Variants in GALNT7 observed in about 807,000 individuals in gnomAD.
GALNT7 encodes the protein N-acetylgalactosaminyltransferase 7.
Under a neutral mutation model 82.1 loss-of-function variants are expected in GALNT7, and 60 were observed. That is an observed-to-expected ratio of 0.73 (90% confidence interval 0.59 to 0.91). The LOEUF (loss-of-function observed/expected upper bound fraction) is 0.91, where lower values mean the gene tolerates loss of function less well. Among genes scored for constraint, GALNT7 ranks in the 40% least tolerant of loss-of-function variants. GALNT7 has a pLI of 0.00. For missense variants in GALNT7, 660 were observed against 804.2 expected, an observed-to-expected ratio of 0.82 and a Z score of 2.17; for synonymous variants, 243 against 275.1, an observed-to-expected ratio of 0.88 and a Z score of 1.15.
intron 2 of GALNT7, among the ~76,000 whole-genome samples, chr4:173,278,570 A>G (rs1735997299): frequency 6.6e-6 from 1 of 152,378 alleles, no homozygotes; most frequent in African/African-American, 2.4e-5. Context: ...ATAAAATGCA[A>G]TAAATGTAAA....
At chr4:173,176,915 A>T (rs759626633) in intron 1 of GALNT7, among the ~76,000 whole-genome samples, 1 of 152,226 alleles carries the variant, frequency 6.6e-6, no homozygotes, top group Non-Finnish European at 1.5e-5. Flanking sequence ...GTGAGGAGAG[A>T]ATTATGTCCG....
intron 2 of GALNT7, among the ~76,000 whole-genome samples, chr4:173,264,089 A>AAAT (rs1007464743): frequency 2.0e-5 from 3 of 152,208 alleles, no homozygotes; most frequent in South Asian, 4.1e-4. Context: ...TTCAGTAGGA[A>AAAT]AATAATATAC....
chr4:173,178,615 G>A (rs1732149972), intron 1 of GALNT7, among the ~76,000 whole-genome samples: 1 of 152,180 alleles, frequency 6.6e-6, no homozygotes, highest in Admixed American at 6.5e-5. Flanking sequence ...TCACTCCCAA[G>A]AAGCATTTAA....
At chr4:173,196,249 C>A (rs994879656) in intron 1 of GALNT7, among the ~76,000 whole-genome samples, 1 of 152,014 alleles carries the variant, frequency 6.6e-6, no homozygotes, top group Non-Finnish European at 1.5e-5. Context: ...CTCAGCCTCC[C>A]AAGTAGCTGG....
intron 2 of GALNT7, among the ~76,000 whole-genome samples, chr4:173,281,672 C>A (rs905617835): frequency 1.3e-5 from 2 of 152,192 alleles, no homozygotes; most frequent in Non-Finnish European, 2.9e-5. Context: ...ATGGCAACCA[C>A]CTTCTATTGG....
rs554180754 is a variant in GALNT7, at chr4:173,248,623, G to C, written c.587+183G>C. On this transcript the variant is annotated intron_variant, in intron 2 of 11. Transcript: ENST00000265000. ...GTCCCTCCATTTATGCCATTGTATTGAAGGTGGGCTGTATAAAATTCTGGG... is the reference window on the plus strand; with the variant it reads ...GTCCCTCCATTTATGCCATTGTATTCAAGGTGGGCTGTATAAAATTCTGGG... Among the ~76,000 whole-genome samples, 8 of 152,284 alleles carry C rather than the reference G, an allele frequency of 5.3e-5. No homozygotes were observed. In the South Asian group the frequency reaches 1.4e-3, roughly 28 times the overall value.
chr4:173,181,755 G>A (rs551897784), intron 1 of GALNT7, among the ~76,000 whole-genome samples: 7 of 152,248 alleles, frequency 4.6e-5, no homozygotes, highest in Admixed American at 3.9e-4. Flanking sequence ...AGGAACTGCC[G>A]GTATCATCCA....
chr4:173,312,974 G>A (rs761404507), intron 8 of GALNT7, among the ~76,000 whole-genome samples: 3 of 151,954 alleles, frequency 2.0e-5, no homozygotes, highest in Non-Finnish European at 4.4e-5. Context: ...CAGGAGAATC[G>A]CTTGAACCTG....
chr4:173,265,100 C>T (rs1187561099), intron 2 of GALNT7, among the ~76,000 whole-genome samples: 3 of 152,348 alleles, frequency 2.0e-5, no homozygotes, highest in Middle Eastern at 3.4e-3. Flanking sequence ...GAGCATCAGA[C>T]GCAGCCAGGA....
intron 2 of GALNT7, among the ~76,000 whole-genome samples, chr4:173,262,413 C>A (rs1329693246): frequency 2.6e-5 from 4 of 152,122 alleles, no homozygotes; most frequent in Non-Finnish European, 1.5e-5. Context: ...TAATGCAGAT[C>A]TTTTAAATAT....
intron 1 of GALNT7, among the ~76,000 whole-genome samples, chr4:173,219,280 G>A (rs894645907): frequency 3.3e-5 from 5 of 151,974 alleles, no homozygotes; most frequent in South Asian, 4.2e-4. Context: ...TTGCATCCAG[G>A]TTGCTGCAAA....
chr4:173,186,520 T>G (rs1406705799), intron 1 of GALNT7, among the ~76,000 whole-genome samples: 1 of 152,258 alleles, frequency 6.6e-6, no homozygotes, highest in Non-Finnish European at 1.5e-5. Flanking sequence ...ACTTGCACTT[T>G]TATACATACT....
chr4:173,214,198 T>C (rs1227589977), intron 1 of GALNT7, among the ~76,000 whole-genome samples: 1 of 152,158 alleles, frequency 6.6e-6, no homozygotes, highest in Non-Finnish European at 1.5e-5. Context: ...CTGTATATTC[T>C]TTAATCTTGA....
At chr4:173,240,743 G>A (rs1218725632) in intron 1 of GALNT7, among the ~76,000 whole-genome samples, 1 of 152,140 alleles carries the variant, frequency 6.6e-6, no homozygotes, top group African/African-American at 2.4e-5. Context: ...ATATGTCAGT[G>A]TTTTTTATAT....
chr4:173,212,944 A>G (rs2126674364), intron 1 of GALNT7, among the ~76,000 whole-genome samples: 1 of 152,234 alleles, frequency 6.6e-6, no homozygotes, highest in South Asian at 2.1e-4. Context: ...TTGGAACCAC[A>G]ACCTTGTTTC....
chr4:173,190,375 TAGAA>T (rs1207167621), intron 1 of GALNT7, among the ~76,000 whole-genome samples: 2 of 152,292 alleles, frequency 1.3e-5, no homozygotes, highest in East Asian at 3.9e-4. Flanking sequence ...ACTAATGAGA[TAGAA>T]AGGGAGAAAG....
chr4:173,238,944 C>A (rs551080347), intron 1 of GALNT7, among the ~76,000 whole-genome samples: 56 of 152,132 alleles, frequency 3.7e-4, no homozygotes, highest in African/African-American at 1.3e-3. Flanking sequence ...TTTTCTGTTG[C>A]AAAAATTAAC....
chr4:173,179,730 C>T (rs1352518937), intron 1 of GALNT7, among the ~76,000 whole-genome samples: 2 of 152,176 alleles, frequency 1.3e-5, no homozygotes, highest in Non-Finnish European at 2.9e-5. Flanking sequence ...AATGTAGTAT[C>T]TTTATGCATC....
chr4:173,277,587 T>C (rs1735961303), intron 2 of GALNT7, among the ~76,000 whole-genome samples: 1 of 152,162 alleles, frequency 6.6e-6, no homozygotes, highest in Non-Finnish European at 1.5e-5. Flanking sequence ...AACTGCTGTT[T>C]AAGGAGATTC....
Sources: allele counts gnomAD v4.1 joint callset (sites outside exome capture counted in the v4.1 genomes callset), GRCh38; gene constraint gnomAD v4.1.1; transcripts MANE v1.5; gene names NCBI Gene and HGNC (gene_info 2026-07-23, HGNC 2026-07-21).